The following NPAS3 variants were observed in gnomAD, a reference collection of about 807,000 sequenced individuals.
The protein encoded by NPAS3 is neuronal PAS domain-containing protein 3.
NPAS3 carries 14 observed loss-of-function variants against 73.1 expected under a neutral mutation model. The ratio of observed to expected loss-of-function variants is 0.19; its 90% CI spans 0.13 to 0.30. The LOEUF (loss-of-function observed/expected upper bound fraction) is 0.30, where lower values mean the gene tolerates loss of function less well. Ranked by LOEUF, NPAS3 falls within the 10% of genes least tolerant of loss-of-function variation. The probability of loss-of-function intolerance (pLI) is 1.00; values close to 1 mark genes in which losing one functional copy is unlikely to be tolerated. For missense variants in NPAS3, 1,096 were observed against 1,250.0 expected (o/e 0.88, Z 1.86); for synonymous variants, 620 against 541.5 (o/e 1.14, Z -2.01).
rs544477901 is a variant in NPAS3 at position 33,532,854 on chromosome 14, T to C, written c.469-27267T>C. On this transcript the variant is annotated intron_variant, in intron 4 of 11. Transcript: ENST00000356141. ...AAGCAGTAGCCTTTCCCTGTCTAAG[T>C]TGACTCCCAAATTTTGTTGGTTCAT... 3.9e-5 allele frequency among the ~76,000 whole-genome samples: 6 copies of C among 152,242 alleles called. No individual in the cohort carries two copies. In the East Asian group the frequency reaches 7.7e-4, roughly 20 times the overall value.
At chr14:32,994,592 G>T (rs2038475829) in intron 1 of NPAS3, among the ~76,000 whole-genome samples, 2 of 150,354 alleles carry the variant, frequency 1.3e-5, no homozygotes, top group Admixed American at 1.3e-4. Context: ...AAAAAAAATT[G>T]GATAGGCTCG....
chr14:33,465,479 G>A (rs1326718641), intron 4 of NPAS3, among the ~76,000 whole-genome samples: 1 of 152,140 alleles, frequency 6.6e-6, no homozygotes, highest in African/African-American at 2.4e-5. Context: ...CAAGCATGAT[G>A]TTTAGTGTTC....
At chr14:33,160,489 TGTG>T (rs1276872679) in intron 2 of NPAS3, among the ~76,000 whole-genome samples, 29 of 88,586 alleles carry the variant, frequency 3.3e-4, no homozygotes, top group African/African-American at 1.1e-3. Flanking sequence ...CGGGGCCTGT[TGTG>T]GGGTGGGGGG....
chr14:33,163,155 C>T (rs546736711), intron 2 of NPAS3, among the ~76,000 whole-genome samples: 4 of 152,338 alleles, frequency 2.6e-5, no homozygotes, highest in African/African-American at 7.2e-5. Context: ...GACAAGCTAT[C>T]TGGGCTATTG....
intron 2 of NPAS3, chr14:33,214,420 A>G (rs2047145688): frequency 6.6e-6 from 1 of 152,228 alleles, no homozygotes; most frequent in Admixed American, 6.5e-5. Context: ...AATAACCCAT[A>G]CAGCGCTTTA....
upstream of NPAS3, among the ~76,000 whole-genome samples, chr14:32,937,995 G>A (rs2035752940): frequency 1.3e-5 from 2 of 152,154 alleles, no homozygotes; most frequent in Admixed American, 1.3e-4. Flanking sequence ...GTCAAACCGG[G>A]GTGCGGCTGG....
intron 3 of NPAS3, among the ~76,000 whole-genome samples, chr14:33,317,268 A>G (rs1231836387): frequency 6.6e-6 from 1 of 152,076 alleles, no homozygotes; most frequent in East Asian, 1.9e-4. Context: ...TTCAGAGCAC[A>G]TATACCCTCT....
intron 2 of NPAS3, among the ~76,000 whole-genome samples, chr14:33,180,616 G>C (rs575935622): frequency 6.6e-6 from 1 of 151,826 alleles, no homozygotes; most frequent in African/African-American, 2.4e-5. Context: ...TGGCTAACAC[G>C]GTGAAACCCC....
At chr14:33,383,852 A>T (rs1051358575) in intron 4 of NPAS3, among the ~76,000 whole-genome samples, 1 of 150,410 alleles carries the variant, frequency 6.6e-6, no homozygotes, top group African/African-American at 2.5e-5. Flanking sequence ...GAACTGGAAA[A>T]CCTCAGTCCT....
In NPAS3 at chr14:33,220,635, A is replaced by C. The variant is rs1010672028; in HGVS notation, c.385+5209A>C. On this transcript the variant is annotated intron_variant, in intron 3 of 11. Transcript: ENST00000356141. ...GGGCTTTCTGACAATTGCAGGCTAA[A>C]TGATGAGAGAGTATGTCTCTGAGAC... Among the ~76,000 whole-genome samples the C allele has an allele frequency of 5.9e-5, 9 of 152,182 alleles. No homozygotes were observed. In the South Asian group the frequency reaches 1.9e-3, roughly 31 times the overall value.
At chr14:33,257,293 TC>T (rs1391897754) in intron 3 of NPAS3, among the ~76,000 whole-genome samples, 1 of 152,034 alleles carries the variant, frequency 6.6e-6, no homozygotes, top group Non-Finnish European at 1.5e-5. Context: ...CTTAGGGGAG[TC>T]TCAGCTGACC....
At chr14:33,715,840 T>C (rs78265632) in intron 6 of NPAS3, among the ~76,000 whole-genome samples, 1 of 152,282 alleles carries the variant, frequency 6.6e-6, no homozygotes, top group African/African-American at 2.4e-5. Flanking sequence ...TGCGCTGTTT[T>C]CTCATGGTAG....
Position 33,209,987 on chromosome 14 carries a change from C to T in NPAS3, c.141-5195C>T, listed in dbSNP as rs1229018650. 2.0e-5 allele frequency among the ~76,000 whole-genome samples: 3 copies of T among 152,126 alleles called. No individual in the cohort carries two copies. The South Asian group carries it at 6.2e-4, about 32-fold the overall frequency. The stretch of plus-strand genomic sequence containing the variant: ...TATTTAAAAGTTGATTAAAATATGA[C>T]TATGAAGAAATCACTGAAGAGGAAG... On this transcript the variant is annotated intron_variant, in intron 2 of 11. Coordinates refer to ENST00000356141, the Ensembl canonical transcript of NPAS3.
intron 2 of NPAS3, among the ~76,000 whole-genome samples, chr14:33,198,735 G>A (rs577923844): frequency 3.9e-5 from 6 of 152,286 alleles, no homozygotes; most frequent in South Asian, 4.1e-4. Flanking sequence ...TGCGCCATTC[G>A]CCTGCACTCC....
chr14:33,604,832 T>C (rs997118840), intron 5 of NPAS3, among the ~76,000 whole-genome samples: 1 of 152,048 alleles, frequency 6.6e-6, no homozygotes, highest in African/African-American at 2.4e-5. Context: ...ATGTGGAAGC[T>C]AAATAACACA....
chr14:33,380,029 G>C (rs1417294588), intron 4 of NPAS3, among the ~76,000 whole-genome samples: 1 of 129,786 alleles, frequency 7.7e-6, no homozygotes, highest in Admixed American at 8.4e-5. Flanking sequence ...TCTTTAAGCT[G>C]CACAAAGTGG....
intron 5 of NPAS3, among the ~76,000 whole-genome samples, chr14:33,642,894 G>A (rs1172944047): frequency 1.3e-5 from 2 of 152,064 alleles, no homozygotes; most frequent in African/African-American, 4.8e-5. Context: ...CCAATATTGT[G>A]GCTGCCAAAT....
intron 4 of NPAS3, among the ~76,000 whole-genome samples, chr14:33,407,631 A>G (rs2047726074): frequency 6.6e-6 from 1 of 152,106 alleles, no homozygotes; most frequent in South Asian, 2.1e-4. Context: ...GTACAGATTG[A>G]TAAATTACTG....
intron 2 of NPAS3, among the ~76,000 whole-genome samples, chr14:33,165,170 C>T (rs1595586668): frequency 1.3e-5 from 2 of 152,078 alleles, no homozygotes; most frequent in South Asian, 2.1e-4. Flanking sequence ...CTCGGCCTGT[C>T]GGAAAGCACT....
Sources: allele counts gnomAD v4.1 joint callset (sites outside exome capture counted in the v4.1 genomes callset), GRCh38; gene constraint gnomAD v4.1.1; transcripts MANE v1.5; gene names NCBI Gene and HGNC (gene_info 2026-07-23, HGNC 2026-07-21).